Variants in PDZD2 observed in about 807,000 individuals in gnomAD.
PDZD2 encodes the protein PDZ domain-containing protein 2.
A neutral mutation model predicts 220.7 loss-of-function variants in PDZD2; 90 were observed. The ratio of observed to expected loss-of-function variants is 0.41; its 90% confidence interval spans 0.34 to 0.49. PDZD2 has a LOEUF of 0.49. Among genes scored for constraint, PDZD2 ranks in the 20% least tolerant of loss-of-function variants. PDZD2 has a pLI of 0.28. For synonymous variants in PDZD2, 1,375 were observed against 1,450.5 expected (o/e 0.95, Z 1.18); for missense variants, 3,174 against 3,608.5 (o/e 0.88, Z 3.08).
At chr5:32,050,682 A>G (rs1052942287) in intron 8 of PDZD2, among the ~76,000 whole-genome samples, 1 of 152,074 alleles carries the variant, frequency 6.6e-6, no homozygotes, top group Non-Finnish European at 1.5e-5. Flanking sequence ...TTAGCTGGGT[A>G]TGGTCGTGCA....
At chr5:31,809,272 C>T (rs1190221293) in intron 2 of PDZD2, among the ~76,000 whole-genome samples, 3 of 152,180 alleles carry the variant, frequency 2.0e-5, no homozygotes, top group Non-Finnish European at 2.9e-5. Context: ...AAATCCAGCA[C>T]AGTGAGAGAA....
intron 21 of PDZD2, among the ~76,000 whole-genome samples, chr5:32,095,451 T>G (rs540593736): frequency 7.4e-4 from 112 of 152,268 alleles, no homozygotes; most frequent in Non-Finnish European, 1.2e-3. Context: ...AAAACTATTT[T>G]CTGTGTCCTT....
chr5:31,833,467 CAAAAAAAAAAGAAAAAAA>C (rs757707560), intron 2 of PDZD2, among the ~76,000 whole-genome samples: 335 of 149,042 alleles, frequency 2.2e-3, no homozygotes, highest in Middle Eastern at 3.4e-3. Flanking sequence ...GACCCTGTCT[CAAAAAAAAAAGAAAAAAA>C]AAAAAAAAAA....
chr5:31,885,940 T>G (rs1368099588), intron 2 of PDZD2, among the ~76,000 whole-genome samples: 1 of 152,074 alleles, frequency 6.6e-6, no homozygotes, highest in Non-Finnish European at 1.5e-5. Context: ...TTAAAATAAT[T>G]TCTCTTTTTC....
intron 2 of PDZD2, among the ~76,000 whole-genome samples, chr5:31,886,210 A>G (rs1020601434): frequency 6.6e-6 from 1 of 152,210 alleles, no homozygotes; most frequent in Non-Finnish European, 1.5e-5. Flanking sequence ...TTGTCTATAC[A>G]GTTTGAATAA....
chr5:32,000,284 T>C lies in PDZD2; in HGVS notation c.1254+13T>C. 2 of 1,614,050 alleles carry C rather than the reference T, an allele frequency of 1.2e-6. No individual in the cohort carries two copies. Among genetic ancestry groups the C allele is most frequent in the East Asian group, 4.5e-5 (2 of 44,862 alleles). ...GGTGGCCAGCAAGGTAGGTCGTGTTTGTTTTTTGGTACTCGTAATGGTGGC... is the reference window on the plus strand; with the variant it reads ...GGTGGCCAGCAAGGTAGGTCGTGTTCGTTTTTTGGTACTCGTAATGGTGGC... On this transcript the variant is annotated intron_variant, in intron 5 of 24. Transcript: ENST00000438447. This position sits in a 1 kb window ranked among gnomAD's most constrained non-coding sequence, Gnocchi z 4.5.
intron 6 of PDZD2, among the ~76,000 whole-genome samples, chr5:32,032,511 C>G (rs1285417738): frequency 6.6e-6 from 1 of 152,204 alleles, no homozygotes; most frequent in Non-Finnish European, 1.5e-5. Flanking sequence ...TCTGTGTGAA[C>G]GTTCAGCCTT....
intron 2 of PDZD2, among the ~76,000 whole-genome samples, chr5:31,966,285 G>A (rs1437365218): frequency 6.6e-6 from 1 of 152,152 alleles, no homozygotes; most frequent in Admixed American, 6.5e-5. Flanking sequence ...TATAGGTACT[G>A]TAGTTAATAT....
chr5:31,701,205 A>G (rs541299110), intron 1 of PDZD2, among the ~76,000 whole-genome samples: 1 of 131,344 alleles, frequency 7.6e-6, no homozygotes, highest in Admixed American at 7.4e-5. Context: ...ATATATATAT[A>G]TTTTTTTTTG....
rs369731479 is a variant in PDZD2 at position 32,089,552 on chromosome 5, C to T, written c.6104C>T (p.Pro2035Leu). The change falls in exon 20 of 25, where the codon CCG becomes CTG. Residue 2035 changes from proline (P) to leucine (L), a missense_variant. Physicochemically the swap from Pro to Leu is moderately conservative, Grantham distance 98. This residue lies in a region of PDZD2 where 1,861 missense variants were observed against 2,001.0 expected (regional missense o/e 0.93). Coordinates refer to ENST00000438447, the MANE Select transcript of PDZD2 (RefSeq NM_178140.4). The stretch of plus-strand genomic sequence containing the variant: ...AGGGCGCCCCGTGCTGACTCCGGGC[C>T]GGTGAGTCCGGCAGCGTCTAGGAAC... ...EGRAPRADSG[P>L]VSPAASRNGM... The T allele has an allele frequency of 1.1e-4, 174 of 1,612,138 alleles. No individual in the cohort carries two copies. Among genetic ancestry groups the T allele is most frequent in the East Asian group, 2.5e-4 (11 of 44,854 alleles).
At chr5:31,758,746 T>C (rs1007062252) in intron 1 of PDZD2, among the ~76,000 whole-genome samples, 1 of 152,164 alleles carries the variant, frequency 6.6e-6, no homozygotes, top group Non-Finnish European at 1.5e-5. Context: ...TCCATCTTCA[T>C]TCTCCAGAGT....
intron 2 of PDZD2, among the ~76,000 whole-genome samples, chr5:31,864,873 G>A (rs1222943689): frequency 7.4e-6 from 1 of 134,230 alleles, no homozygotes; most frequent in African/African-American, 2.8e-5. Flanking sequence ...TTTTGAGACG[G>A]AGTCTCGCTC....
intron 1 of PDZD2, among the ~76,000 whole-genome samples, chr5:31,767,027 C>CA: frequency 1.1e-5 from 1 of 94,296 alleles, no homozygotes; most frequent in African/African-American, 4.9e-5. Flanking sequence ...TGCACCCAGC[C>CA]TTTTTTTTTT....
In PDZD2 at chr5:32,087,329, A is replaced by T. The variant is rs562582738; in HGVS notation, c.3881A>T (p.Glu1294Val). 6.2e-7 allele frequency: 1 copy of T among 1,614,066 alleles called. No homozygotes were observed. The highest frequency in any genetic ancestry group is 1.1e-5 in the South Asian group (1 of 91,080). ...CATGAGGGCAGCCCCTCCCCGGGGGAGAAAGCAGCGGCTCCCCCTGACTAC... is the reference window on the plus strand; with the variant it reads ...CATGAGGGCAGCCCCTCCCCGGGGGTGAAAGCAGCGGCTCCCCCTGACTAC... ...LPHEGSPSPG[E>V]KAAAPPDYSK... Residue 1294 changes from glutamate (E) to valine (V), a missense_variant, in exon 20 of 25, where the codon GAG becomes GTG. Physicochemically the swap from Glu to Val is moderately radical, Grantham distance 121 (BLOSUM62 -2). This residue lies in a region of PDZD2 where 1,861 missense variants were observed against 2,001.0 expected (regional missense o/e 0.93). Transcript: ENST00000438447. The surrounding 1 kb of genome is among the most constrained non-coding windows in gnomAD (Gnocchi z 4.0).
intron 2 of PDZD2, among the ~76,000 whole-genome samples, chr5:31,922,300 G>A (rs749601941): frequency 5.3e-5 from 8 of 152,146 alleles, no homozygotes; most frequent in Non-Finnish European, 8.8e-5. Flanking sequence ...ACAGCTCTGA[G>A]CCCAAACATG....
At chr5:32,040,744 C>T (rs534989394) in intron 7 of PDZD2, among the ~76,000 whole-genome samples, 1 of 150,022 alleles carries the variant, frequency 6.7e-6, no homozygotes, top group Non-Finnish European at 1.5e-5. Flanking sequence ...GCCCAGCCGC[C>T]CCGTCTGGGA....
chr5:31,677,541 C>G lies in PDZD2; in HGVS notation c.-361+38104C>G, dbSNP rs1157887406. 2.1e-4 allele frequency among the ~76,000 whole-genome samples: 5 copies of G among 24,096 alleles called. 1 individual carries two copies. Among genetic ancestry groups the G allele is most frequent in the African/African-American group, 4.2e-4 (5 of 11,958 alleles). 15.8% of individuals were successfully genotyped at this position (24,096 alleles called of 152,430 possible). A position where few individuals can be genotyped will look rare whatever the true frequency, so the allele number is the denominator to read the frequency against. On this transcript the variant is annotated intron_variant, in intron 1 of 24. Coordinates refer to ENST00000438447, the MANE Select transcript of PDZD2 (RefSeq NM_178140.4). ...TGAGGCAGGAGAATGGCGTGAACCC[C>G]GGAGGCGGAGCTTGCAGTGAGCCGA...
intron 2 of PDZD2, among the ~76,000 whole-genome samples, chr5:31,872,142 G>GGTGT (rs55806241): frequency 1.8e-3 from 269 of 147,770 alleles, no homozygotes; most frequent in East Asian, 0.015. Flanking sequence ...TAAGGTGAGT[G>GGTGT]GTGTGTGTGT....
Position 31,996,557 on chromosome 5 carries a change from C to T in PDZD2, c.1121+839C>T, listed in dbSNP as rs115007797. On this transcript the variant is annotated intron_variant, in intron 4 of 24. Coordinates refer to ENST00000438447, the MANE Select transcript of PDZD2 (RefSeq NM_178140.4). ...CCCATCTCCACTAAACTTACAAAGA[C>T]GTGAGCCAGGTGTGATGGCTTGTGC... Among the ~76,000 whole-genome samples the T allele has an allele frequency of 6.7e-3, 1,022 of 152,232 alleles. 11 individuals carry two copies. The highest frequency in any genetic ancestry group is 0.022 in the African/African-American group (931 of 41,540).
Sources: gnomAD v4.1 joint callset for allele counts (sites outside exome capture counted in the v4.1 genomes callset) on GRCh38, gnomAD v4.1.1 for gene constraint, gnomAD v4.1.1 regional missense constraint, Gnocchi (gnomAD v3.1) non-coding constraint, MANE v1.5 for transcripts, NCBI Gene and HGNC (gene_info 2026-07-23, HGNC 2026-07-21) for gene names.